GTF3C3: variants seen among roughly 807,000 people sequenced by gnomAD.
GTF3C3 encodes the protein general transcription factor 3C polypeptide 3.
A neutral mutation model predicts 105.2 loss-of-function variants in GTF3C3; 75 were observed. That is an observed-to-expected ratio of 0.71 (90% confidence interval 0.59 to 0.86). The LOEUF (loss-of-function observed/expected upper bound fraction) is 0.86. Ranked by LOEUF, GTF3C3 falls within the 40% of genes least tolerant of loss-of-function variation. The probability of loss-of-function intolerance (pLI) is 0.00; values close to 1 mark genes in which losing one functional copy is unlikely to be tolerated. For missense variants in GTF3C3, 856 were observed against 1,076.5 expected, an observed-to-expected ratio of 0.80 and a Z score of 2.87; for synonymous variants, 335 against 370.4, an observed-to-expected ratio of 0.90 and a Z score of 1.10.
chr2:196,773,179 T>G, intron 13 of GTF3C3, 26 bp from the exon 14 acceptor site: 1 of 1,248,036 alleles, frequency 8.0e-7, no homozygotes, highest in Non-Finnish European at 1.1e-6. Context: ...TGAAAACCAG[T>G]TAGGACACTG....
At position 196,776,186 on chromosome 2, in the gene GTF3C3, T is replaced by G. The variant is rs1699256517; in HGVS notation, c.1594-75A>C. 5.8e-6 allele frequency: 5 copies of G among 866,758 alleles called. No homozygotes were observed. The highest frequency in any genetic ancestry group is 9.1e-6 in the Non-Finnish European group (5 of 551,996). 53.7% of individuals were successfully genotyped at this position (866,758 alleles called of 1,614,324 possible). ...AAATTGTTTTATTTGCATAGAAACA[T>G]TTTTAAAAAAACAAACCATATTGCT... On this transcript the variant is annotated intron_variant, in intron 11 of 17. Coordinates refer to ENST00000263956, the MANE Select transcript of GTF3C3 (RefSeq NM_012086.5). This position sits in a 1 kb window ranked among gnomAD's most constrained non-coding sequence, Gnocchi z 4.5.
intron 6 of GTF3C3, among the ~76,000 whole-genome samples, chr2:196,787,815 TCCTGTATAGTA>T (rs1379836627): frequency 6.6e-5 from 10 of 152,176 alleles, no homozygotes; most frequent in Non-Finnish European, 1.5e-5. Context: ...TACCCTGGTC[TCCTGTATAGTA>T]CCTAGTGCCA....
intron 16 of GTF3C3, 126 bp downstream of exon 16, chr2:196,769,789 G>C: frequency 1.4e-6 from 1 of 703,132 alleles, no homozygotes; most frequent in Non-Finnish European, 2.3e-6. Flanking sequence ...TAAGTGTTGG[G>C]GACCCCCGTC....
At position 196,789,264 on chromosome 2, in the gene GTF3C3, A is replaced by G; in HGVS notation, c.833T>C (p.Leu278Ser). ...GCCATCAGATGGAGACAAAAGGTTT[A>G]AAATACGCCTATAACCATCCATGGC... ...KMAMDGYRRI[L>S]NLLSPSDGER... is the part of the protein sequence containing the mutation. The change falls in exon 6 of 18, where the codon TTA becomes TCA. Residue 278 changes from leucine (L) to serine (S), a missense_variant. Transcript: ENST00000263956. 6.2e-7 allele frequency: 1 copy of G among 1,613,618 alleles called. No homozygotes were observed. The highest frequency in any genetic ancestry group is 8.5e-7 in the Non-Finnish European group (1 of 1,179,748).
chr2:196,796,338 G>C (rs1177658020), intron 2 of GTF3C3, among the ~76,000 whole-genome samples: 1 of 152,198 alleles, frequency 6.6e-6, no homozygotes, highest in Non-Finnish European at 1.5e-5. Context: ...TTTAGGGCCT[G>C]ATGGCTAGCT....
rs1411905794 is a variant in GTF3C3, at chr2:196,789,308, CTGT to C, written c.786_788del (p.Gln263del). The stretch of plus-strand genomic sequence containing the variant: ...CCATGGCCATTTTATGATCACCCAT[CTGT>C]TCATAAAGGCTTGATCGCTCCCACA... On this transcript the variant is annotated inframe_deletion, in exon 6 of 18. Transcript: ENST00000263956. The C allele has an allele frequency of 6.2e-7, 1 of 1,612,342 alleles. No individual in the cohort carries two copies. Among genetic ancestry groups the C allele is most frequent in the East Asian group, 2.2e-5 (1 of 44,866 alleles).
intron 13 of GTF3C3, 49 bp from the exon 14 acceptor site, chr2:196,773,202 TAGC>T: frequency 9.9e-7 from 1 of 1,013,270 alleles, no homozygotes; most frequent in East Asian, 2.4e-5. Context: ...TTTCCAGAAA[TAGC>T]AGTATTAGAA....
intron 6 of GTF3C3, among the ~76,000 whole-genome samples, 181 bp downstream of exon 6, chr2:196,789,023 G>A (rs1359095994): frequency 2.6e-5 from 4 of 152,088 alleles, no homozygotes; most frequent in Non-Finnish European, 4.4e-5. Context: ...CTATAAACAT[G>A]CCATTATACT....
rs1430664872 is a variant in GTF3C3, at chr2:196,799,343, T to C, written c.102+167A>G. On this transcript the variant is annotated intron_variant, in intron 1 of 17. Coordinates refer to ENST00000263956, the MANE Select transcript of GTF3C3 (RefSeq NM_012086.5). ...GTGGGGGAAAACGTTTTAAGGAGCT[T>C]AGCACAGGGATGAGGGGTGAAAACC... is the stretch of plus-strand genomic sequence containing the variant. 4 of 582,600 alleles carry C rather than the reference T, an allele frequency of 6.9e-6. No homozygotes were observed. The African/African-American group carries it at 7.6e-5, about 11-fold the overall frequency. 36.1% of individuals were successfully genotyped at this position (582,600 alleles called of 1,614,324 possible). A position where few individuals can be genotyped will look rare whatever the true frequency, so the allele number is the denominator to read the frequency against.
At chr2:196,785,162 A>G (rs543147408) in intron 7 of GTF3C3, among the ~76,000 whole-genome samples, 5 of 152,116 alleles carry the variant, frequency 3.3e-5, no homozygotes, top group Admixed American at 6.6e-5. Flanking sequence ...CTTTCCCCCA[A>G]CCAGCTTAAG....
chr2:196,768,363 TTA>T (rs1699109945), intron 16 of GTF3C3, among the ~76,000 whole-genome samples: 1 of 152,168 alleles, frequency 6.6e-6, no homozygotes, highest in Admixed American at 6.5e-5. Context: ...TCTTTTGACA[TTA>T]TGTTACATTT....
intron 16 of GTF3C3, among the ~76,000 whole-genome samples, chr2:196,768,600 AATG>A (rs1414358672): frequency 6.6e-6 from 1 of 152,148 alleles, no homozygotes; most frequent in Non-Finnish European, 1.5e-5. Context: ...AAGTTTCAGA[AATG>A]ATGCTATTTA....
rs1397031754 is a variant in GTF3C3, at chr2:196,784,941, G to T, written c.1042-12C>A. The T allele has an allele frequency of 1.9e-6, 3 of 1,547,282 alleles. No homozygotes were observed. The South Asian group carries it at 3.4e-5, about 17-fold the overall frequency. ...AAATCTGTAATTATCTAAAAGAATG[G>T]GAAAGAAGAAAGGAAATAAAATATG... On this transcript the variant is annotated splice_polypyrimidine_tract_variant and intron_variant, in intron 7 of 17. Coordinates refer to ENST00000263956, the MANE Select transcript of GTF3C3 (RefSeq NM_012086.5).
In GTF3C3 at chr2:196,799,608, A is replaced by G; in HGVS notation, c.4T>C (p.Ser2Pro). Residue 2 changes from serine to proline, a missense_variant, in exon 1 of 18, where the codon TCA (serine) becomes CCA (proline). Coordinates refer to ENST00000263956, the MANE Select transcript of GTF3C3 (RefSeq NM_012086.5). ...TCGATGAGTTCCGGACTGAACCCTGACATGTTTACAGGGTCTGTCTGTGCA... is the reference window on the plus strand; with the variant it reads ...TCGATGAGTTCCGGACTGAACCCTGGCATGTTTACAGGGTCTGTCTGTGCA... M[S>P]GFSPELIDYL... is the part of the protein sequence containing the mutation. The G allele has an allele frequency of 6.2e-7, 1 of 1,606,142 alleles. No homozygotes were observed. Among genetic ancestry groups the G allele is most frequent in the Non-Finnish European group, 8.5e-7 (1 of 1,172,732 alleles).
rs1261069128 is a variant in GTF3C3, at chr2:196,772,957, TGCA to T, written c.2025_2027del (p.Ala676del). On this transcript the variant is annotated inframe_deletion, in exon 14 of 18. Coordinates refer to ENST00000263956, the MANE Select transcript of GTF3C3 (RefSeq NM_012086.5). ...CCTTTCTGAAATTTTTGTCCAGAAT[TGCA>T]GCAGACAGACCAAAGTATTCTAGTT... is the stretch of plus-strand genomic sequence containing the variant. 1 of 1,591,758 alleles carries T rather than the reference TGCA, an allele frequency of 6.3e-7. No individual in the cohort carries two copies. The highest frequency in any genetic ancestry group is 8.5e-7 in the Non-Finnish European group (1 of 1,172,058).
Position 196,764,584 on chromosome 2 carries a change from C to CAA in GTF3C3, c.2638_2639dup (p.Leu880PhefsTer39). 1.2e-6 allele frequency: 2 copies of CAA among 1,613,914 alleles called. No individual in the cohort carries two copies. Among genetic ancestry groups the CAA allele is most frequent in the Non-Finnish European group, 1.7e-6 (2 of 1,179,866 alleles). ...TGCTTTATATAGAACAATAGGTATA[C>CAA]AAAAGCGTTTGAGCCATTCCGGTAT... On this transcript the variant is annotated frameshift_variant, in exon 18 of 18. Coordinates refer to ENST00000263956, the MANE Select transcript of GTF3C3 (RefSeq NM_012086.5). LOFTEE classifies it high-confidence loss of function.
intron 8 of GTF3C3, among the ~76,000 whole-genome samples, chr2:196,782,190 T>C (rs1699377869): frequency 6.6e-6 from 1 of 152,162 alleles, no homozygotes; most frequent in Non-Finnish European, 1.5e-5. Flanking sequence ...AGAAGCTTGT[T>C]TGTCCCTTTT....
intron 6 of GTF3C3, among the ~76,000 whole-genome samples, chr2:196,788,332 A>G (rs1194680549): frequency 1.3e-5 from 2 of 152,260 alleles, no homozygotes; most frequent in Non-Finnish European, 2.9e-5. Context: ...ATCATATGGT[A>G]TCTCTAGAAT....
chr2:196,778,961 G>A lies in GTF3C3; in HGVS notation c.1325C>T (p.Pro442Leu), dbSNP rs756605156. 5 of 1,613,816 alleles carry A rather than the reference G, an allele frequency of 3.1e-6. No homozygotes were observed. Among genetic ancestry groups the A allele is most frequent in the Non-Finnish European group, 4.2e-6 (5 of 1,179,770 alleles). The stretch of plus-strand genomic sequence containing the variant: ...AGAGCAAACAAGAGCACTGAGGAGG[G>A]GAAGTGCAGAATTATATTCACCAAC... ...LDVGEYNSAL[P>L]LLSALVCSER... The change falls in exon 10 of 18, where the codon CCC becomes CTC. Residue 442 changes from proline to leucine, a missense_variant. Pro to Leu is a moderately conservative substitution (Grantham distance 98, BLOSUM62 -3). Transcript: ENST00000263956.
Sources: gnomAD v4.1 joint callset for allele counts (sites outside exome capture counted in the v4.1 genomes callset) on GRCh38, gnomAD v4.1.1 for gene constraint, Gnocchi (gnomAD v3.1) non-coding constraint, MANE v1.5 for transcripts, NCBI Gene and HGNC (gene_info 2026-07-23, HGNC 2026-07-21) for gene names.